MTMR9: variants seen among roughly 807,000 people sequenced by gnomAD.
The protein encoded by MTMR9 is myotubularin-related protein 9.
A neutral mutation model predicts 69.5 loss-of-function variants in MTMR9; 39 were observed. The observed-to-expected ratio is 0.56, with a 90% CI of 0.43 to 0.73. The LOEUF is 0.73. Ranked by LOEUF, MTMR9 falls within the 30% of genes least tolerant of loss-of-function variation. The pLI, the probability that MTMR9 is intolerant of heterozygous loss-of-function variation, is 0.00. For missense variants in MTMR9, 900 were observed against 671.2 expected (o/e 1.34, Z -3.77); for synonymous variants, 354 against 240.8 (o/e 1.47, Z -4.35).
the MTMR9 span, among the ~76,000 whole-genome samples, chr8:11,333,790 C>G: frequency 6.6e-6 from 1 of 152,200 alleles, no homozygotes; most frequent in Non-Finnish European, 1.5e-5. Context: ...GACAGTAACT[C>G]AAACCTGAGT....
the MTMR9 span, among the ~76,000 whole-genome samples, chr8:11,334,434 A>T: frequency 6.6e-6 from 1 of 152,186 alleles, no homozygotes. Flanking sequence ...TTAACTTGGA[A>T]TAAGTTTAGA....
chr8:11,290,222 A>G (rs1352349473), intron 1 of MTMR9, among the ~76,000 whole-genome samples: 3 of 151,938 alleles, frequency 2.0e-5, no homozygotes, highest in Non-Finnish European at 4.4e-5. Flanking sequence ...TTATCTTTGT[A>G]TATGCTTGTG....
At chr8:11,319,911 G>T (rs1261128621) in intron 9 of MTMR9, 73 bp downstream of exon 9, 10 of 1,492,674 alleles carry the variant, frequency 6.7e-6, no homozygotes, top group Non-Finnish European at 7.4e-6. Context: ...GTGTGCTGTT[G>T]GTGATGTATG....
the MTMR9 span, among the ~76,000 whole-genome samples, chr8:11,335,061 T>C: frequency 1.3e-5 from 2 of 152,174 alleles, no homozygotes; most frequent in African/African-American, 2.4e-5. Flanking sequence ...CAACATTGTA[T>C]GGGAAATTAT....
At chr8:11,319,641 T>G in intron 8 of MTMR9, 46 bp from the exon 9 acceptor site, 1 of 1,598,068 alleles carries the variant, frequency 6.3e-7, no homozygotes. Flanking sequence ...TCAATAATGG[T>G]TGTTATAAAT....
chr8:11,320,791 TAAAC>T (rs1172422312), intron 9 of MTMR9: 2 of 152,256 alleles, frequency 1.3e-5, no homozygotes, highest in African/African-American at 4.8e-5. Context: ...AGTGTTTCAT[TAAAC>T]AAAGCCTCTA....
downstream of MTMR9, chr8:11,331,971 G>A (rs763525645): frequency 1.2e-5 from 20 of 1,611,892 alleles, no homozygotes; most frequent in Admixed American, 5.0e-5. Context: ...CCTGCATTCC[G>A]AGGTGGTTGT....
intron 1 of MTMR9, among the ~76,000 whole-genome samples, chr8:11,286,413 C>T (rs969462441): frequency 6.6e-6 from 1 of 151,626 alleles, no homozygotes; most frequent in East Asian, 2.0e-4. Context: ...GCCTGTAATC[C>T]CAGCACTTTG....
downstream of MTMR9, chr8:11,331,303 A>G (rs778385439): frequency 1.4e-5 from 22 of 1,613,782 alleles, no homozygotes; most frequent in African/African-American, 6.7e-5. Flanking sequence ...CAGGGTTCCA[A>G]CCTGCCCTCG....
At chr8:11,289,261 C>T (rs375509204) in intron 1 of MTMR9, among the ~76,000 whole-genome samples, 4 of 152,182 alleles carry the variant, frequency 2.6e-5, no homozygotes, top group Non-Finnish European at 5.9e-5. Flanking sequence ...GCTGCCTTGC[C>T]TTGCTGGTGA....
chr8:11,285,367 T>C, intron 1 of MTMR9: 1 of 297,720 alleles, frequency 3.4e-6, no homozygotes, highest in East Asian at 6.2e-5. Flanking sequence ...ATAAATTTCT[T>C]CTTCTTCTTG....
In MTMR9 at chr8:11,326,652, T is replaced by C. The variant is rs1052868762; in HGVS notation, c.*3864T>C. On this transcript the variant is annotated 3_prime_UTR_variant, in exon 10 of 10. Transcript: ENST00000221086. Reference sequence around the variant, plus strand: ...AGTATTCTAAGTTATTACCACATAGTATTTTTATGTTACCCATCATCTTTA... The same window carrying C: ...AGTATTCTAAGTTATTACCACATAGCATTTTTATGTTACCCATCATCTTTA... The C allele has an allele frequency of 6.6e-6, 1 of 152,250 alleles. No homozygotes were observed. The highest frequency in any genetic ancestry group is 2.4e-5 in the African/African-American group (1 of 41,458). 9.4% of individuals were successfully genotyped at this position (152,250 alleles called of 1,614,324 possible). A position where few individuals can be genotyped will look rare whatever the true frequency, so the allele number is the denominator to read the frequency against.
intron 2 of MTMR9, among the ~76,000 whole-genome samples, chr8:11,296,696 G>C (rs1799574604): frequency 6.6e-6 from 1 of 152,084 alleles, no homozygotes; most frequent in Non-Finnish European, 1.5e-5. Context: ...CAGTTCATCT[G>C]TGTTGTAAAT....
chr8:11,299,286 C>T (rs1435365678), intron 2 of MTMR9, among the ~76,000 whole-genome samples: 1 of 152,124 alleles, frequency 6.6e-6, no homozygotes, highest in African/African-American at 2.4e-5. Context: ...GCCGAGATCG[C>T]GCCATTCTAG....
At chr8:11,299,189 G>T (rs1310592868) in intron 2 of MTMR9, among the ~76,000 whole-genome samples, 2 of 152,118 alleles carry the variant, frequency 1.3e-5, no homozygotes, top group East Asian at 1.9e-4. Context: ...AATTAGCTGG[G>T]TGTGGTGGCA....
At chr8:11,332,142 G>C (rs200772233), downstream of MTMR9, 3 of 1,611,252 alleles carry the variant, frequency 1.9e-6, no homozygotes, top group East Asian at 2.2e-5. Context: ...TTGGGAGCCC[G>C]GGGGTTGGGA....
chr8:11,315,054 A>G lies in MTMR9; in HGVS notation c.1103A>G (p.Glu368Gly). 1.2e-6 allele frequency: 2 copies of G among 1,613,518 alleles called. No homozygotes were observed. The highest frequency in any genetic ancestry group is 2.2e-5 in the East Asian group (1 of 44,870). ...GGTTTTGAGGCCCTGATTGAAAGAG[A>G]GTGGCTGCAGGTGAGAAGAGCTGTT... ...IRGFEALIER[E>G]WLQAGHPFQQ... The change falls in exon 7 of 10, where the codon GAG becomes GGG. Residue 368 changes from glutamate to glycine, a missense_variant. Glu to Gly is a moderately conservative substitution (Grantham distance 98). Transcript: ENST00000221086.
downstream of MTMR9, among the ~76,000 whole-genome samples, chr8:11,329,682 C>A (rs529151042): frequency 2.6e-5 from 4 of 152,244 alleles, no homozygotes; most frequent in African/African-American, 7.2e-5. Context: ...ACCTCCCAGC[C>A]GCCTGCCTTG....
At chr8:11,302,253 C>CAAAAAAA (rs34305448) in intron 3 of MTMR9, among the ~76,000 whole-genome samples, 1 of 58,970 alleles carries the variant, frequency 1.7e-5, no homozygotes, top group Non-Finnish European at 3.0e-5. Context: ...ACCCTGTCTC[C>CAAAAAAA]AAAAAAAAAA....
Sources: allele counts gnomAD v4.1 joint callset (sites outside exome capture counted in the v4.1 genomes callset), GRCh38; gene constraint gnomAD v4.1.1; transcripts MANE v1.5; gene names NCBI Gene and HGNC (gene_info 2026-07-23, HGNC 2026-07-21).